The following ARHGAP39 variants were observed in gnomAD, a reference collection of about 807,000 sequenced individuals.
ARHGAP39 encodes Rho GTPase activating protein 39, also known as rho GTPase-activating protein 39.
In ARHGAP39, 44 loss-of-function variants were observed where a neutral mutation model predicts 106.9. That is an observed-to-expected ratio of 0.41 (90% CI 0.32 to 0.53). The LOEUF is 0.53. ARHGAP39 is among the 20% of genes least tolerant of loss of function. The pLI is 0.21. For synonymous variants in ARHGAP39, 768 were observed against 693.2 expected, an observed-to-expected ratio of 1.11 and a Z score of -1.69; for missense variants, 1,496 against 1,577.3, an observed-to-expected ratio of 0.95 and a Z score of 0.87.
chr8:144,586,650 G>T lies in ARHGAP39; in HGVS notation c.81-5373C>A, dbSNP rs1053342283. On this transcript the variant is annotated intron_variant, in intron 2 of 11. Coordinates refer to ENST00000377307, the MANE Select transcript of ARHGAP39 (RefSeq NM_025251.3). This position sits in a 1 kb window ranked among gnomAD's most constrained non-coding sequence, Gnocchi z 4.2. ...GGCAGTGGCCAGAAAACTGGCTGAT[G>T]CAGGTACCACACCCACTTCCAGGCA... Among the ~76,000 whole-genome samples the T allele has an allele frequency of 6.6e-6, 1 of 152,228 alleles. No individual in the cohort carries two copies. The highest frequency in any genetic ancestry group is 2.4e-5 in the African/African-American group (1 of 41,462).
chr8:144,665,872 TG>T (rs1821950340), intron 1 of ARHGAP39, among the ~76,000 whole-genome samples: 1 of 152,144 alleles, frequency 6.6e-6, no homozygotes, highest in African/African-American at 2.4e-5. Context: ...CATGGCCTAG[TG>T]GATCTGTGAG....
At chr8:144,562,306 G>C (rs1373252113) in intron 3 of ARHGAP39, among the ~76,000 whole-genome samples, 2 of 131,962 alleles carry the variant, frequency 1.5e-5, no homozygotes, top group East Asian at 4.9e-4. Context: ...TTTCCATCGG[G>C]CTCCAGTGGT....
intron 3 of ARHGAP39, among the ~76,000 whole-genome samples, chr8:144,557,984 G>T (rs1197486578): frequency 6.6e-6 from 1 of 152,240 alleles, no homozygotes; most frequent in Non-Finnish European, 1.5e-5. Flanking sequence ...ACAATCGAAT[G>T]AGAAACTTCA....
chr8:144,681,306 C>G (rs1822411150), intron 1 of ARHGAP39, among the ~76,000 whole-genome samples: 1 of 152,162 alleles, frequency 6.6e-6, no homozygotes, highest in Non-Finnish European at 1.5e-5. Context: ...ACAGGCCAGG[C>G]AGGGTAGTCC....
At chr8:144,574,687 A>G (rs1252175481) in intron 3 of ARHGAP39, among the ~76,000 whole-genome samples, 1 of 152,184 alleles carries the variant, frequency 6.6e-6, no homozygotes, top group African/African-American at 2.4e-5. Context: ...AACAAAAAAT[A>G]ATAATAATAA....
At chr8:144,608,156 C>CAAAAAAA (rs60966946) in intron 1 of ARHGAP39, among the ~76,000 whole-genome samples, 2 of 96,318 alleles carry the variant, frequency 2.1e-5, no homozygotes, top group African/African-American at 4.6e-5. Flanking sequence ...GACTCTGTCT[C>CAAAAAAA]AAAAAAAAAA....
chr8:144,684,589 G>A lies in ARHGAP39; in HGVS notation c.-82+1097C>T, dbSNP rs1427289114. ...CCCACAGCAGCTGCTGGTGGGAAGC[G>A]GCTCGGAACACACCCACAGCTGCCA... On this transcript the variant is annotated intron_variant, in intron 1 of 11. Transcript: ENST00000377307. The surrounding 1 kb of genome is among the most constrained non-coding windows in gnomAD (Gnocchi z 4.4). 2.0e-5 allele frequency among the ~76,000 whole-genome samples: 3 copies of A among 152,152 alleles called. No individual in the cohort carries two copies. The highest frequency in any genetic ancestry group is 7.2e-5 in the African/African-American group (3 of 41,432).
chr8:144,621,224 G>A (rs369041317), intron 1 of ARHGAP39, among the ~76,000 whole-genome samples: 12 of 152,294 alleles, frequency 7.9e-5, no homozygotes, highest in African/African-American at 2.9e-4. Flanking sequence ...TGTGCAAAGG[G>A]GCAGCAGGCC....
intron 1 of ARHGAP39, among the ~76,000 whole-genome samples, chr8:144,606,972 A>G (rs1218719669): frequency 6.6e-6 from 1 of 150,962 alleles, no homozygotes; most frequent in East Asian, 1.9e-4. Flanking sequence ...AATTAAGAAC[A>G]TCTGTTTATC....
At chr8:144,559,354 CAAAAAAAAAAAAA>C (rs59435627) in intron 3 of ARHGAP39, among the ~76,000 whole-genome samples, 1 of 42,894 alleles carries the variant, frequency 2.3e-5, no homozygotes, top group Non-Finnish European at 3.8e-5. Context: ...ACTTTGTCTC[CAAAAAAAAAAAAA>C]AAAAAAAAAA....
intron 1 of ARHGAP39, among the ~76,000 whole-genome samples, chr8:144,619,530 G>A (rs1820731280): frequency 6.6e-6 from 1 of 152,144 alleles, no homozygotes; most frequent in East Asian, 1.9e-4. Context: ...GTGTGTGCCT[G>A]TGTGCACGTG....
intron 1 of ARHGAP39, among the ~76,000 whole-genome samples, chr8:144,639,140 A>G (rs1042982072): frequency 1.1e-4 from 16 of 152,124 alleles, no homozygotes; most frequent in African/African-American, 2.7e-4. Flanking sequence ...CAGTCTGACC[A>G]ACATGGTGAA....
At chr8:144,680,081 C>T (rs963322170) in intron 1 of ARHGAP39, among the ~76,000 whole-genome samples, 11 of 152,146 alleles carry the variant, frequency 7.2e-5, no homozygotes, top group Non-Finnish European at 1.3e-4. Context: ...ACCTTTAAAC[C>T]GCTAGAAACC....
intron 1 of ARHGAP39, among the ~76,000 whole-genome samples, chr8:144,648,925 A>G (rs1821509154): frequency 6.6e-6 from 1 of 152,150 alleles, no homozygotes; most frequent in African/African-American, 2.4e-5. Context: ...TTAACAACCT[A>G]ACATCACAAC....
rs1219322677 is a variant in ARHGAP39, at chr8:144,646,868, C to G, written c.-82+38818G>C. ...GCAGACGAGGGTCCGGGACCAGACA[C>G]GCCCAGAGGGCCCCAGTGCCCTGTG... On this transcript the variant is annotated intron_variant, in intron 1 of 11. Coordinates refer to ENST00000377307, the MANE Select transcript of ARHGAP39 (RefSeq NM_025251.3). This position sits in a 1 kb window ranked among gnomAD's most constrained non-coding sequence, Gnocchi z 5.7. 6.6e-6 allele frequency among the ~76,000 whole-genome samples: 1 copy of G among 152,154 alleles called. No homozygotes were observed. Among genetic ancestry groups the G allele is most frequent in the South Asian group, 2.1e-4 (1 of 4,830 alleles).
Position 144,601,178 on chromosome 8 carries a change from G to A in ARHGAP39, c.80+4357C>T, listed in dbSNP as rs367636337. 9.9e-4 allele frequency among the ~76,000 whole-genome samples: 146 copies of A among 147,898 alleles called. 1 individual carries two copies. The highest frequency in any genetic ancestry group is 4.5e-3 in the Admixed American group (67 of 14,824). On this transcript the variant is annotated intron_variant, in intron 2 of 11. Transcript: ENST00000377307. ...CCTGTGTGTGTGCATGGAGGCGTGC[G>A]TGCAAGCTCGTGTACCTGTGTGCAT...
intron 3 of ARHGAP39, among the ~76,000 whole-genome samples, chr8:144,561,181 C>A (rs1042901874): frequency 6.6e-6 from 1 of 152,192 alleles, no homozygotes; most frequent in African/African-American, 2.4e-5. Flanking sequence ...CCATCGCACC[C>A]CAGCAGTTTC....
intron 1 of ARHGAP39, among the ~76,000 whole-genome samples, chr8:144,633,396 T>C (rs1056235480): frequency 6.6e-6 from 1 of 150,750 alleles, no homozygotes; most frequent in African/African-American, 2.4e-5. Context: ...GAGGCAGAGA[T>C]TGCAGTGAGC....
chr8:144,651,638 A>C (rs1406605022), intron 1 of ARHGAP39, among the ~76,000 whole-genome samples: 1 of 152,100 alleles, frequency 6.6e-6, no homozygotes, highest in African/African-American at 2.4e-5. Flanking sequence ...ACCTAGGAGG[A>C]GGAGGTTGCA....
Sources: allele counts gnomAD v4.1 joint callset (sites outside exome capture counted in the v4.1 genomes callset), GRCh38; gene constraint gnomAD v4.1.1; non-coding constraint Gnocchi (gnomAD v3.1); transcripts MANE v1.5; gene names NCBI Gene and HGNC (gene_info 2026-07-23, HGNC 2026-07-21).